Variants in PTPRN2 observed in about 807,000 individuals in gnomAD.
PTPRN2 encodes the protein protein tyrosine phosphatase receptor type N2.
PTPRN2 carries 74 observed loss-of-function variants against 118.8 expected under a neutral mutation model. The observed-to-expected ratio is 0.62, with a 90% confidence interval of 0.52 to 0.76. The LOEUF (loss-of-function observed/expected upper bound fraction) is 0.76, where lower values mean the gene tolerates loss of function less well. Among genes scored for constraint, PTPRN2 ranks in the 30% least tolerant of loss-of-function variants. The pLI is 0.00. For missense variants in PTPRN2, 1,481 were observed against 1,394.4 expected (o/e 1.06, Z -0.99); for synonymous variants, 641 against 608.0 (o/e 1.05, Z -0.80).
At chr7:157,716,248 G>A (rs12672820) in intron 12 of PTPRN2, among the ~76,000 whole-genome samples, 85,564 of 121,922 alleles carry the variant, frequency 0.7, 29,601 homozygotes, top group African/African-American at 0.85. Flanking sequence ...CCATGGCCAC[G>A]AAGACTCTGC....
chr7:158,483,172 T>C (rs1211398433), intron 2 of PTPRN2, among the ~76,000 whole-genome samples: 1 of 152,226 alleles, frequency 6.6e-6, no homozygotes, highest in Non-Finnish European at 1.5e-5. Flanking sequence ...CCATGTGACA[T>C]AGAAAACCGG....
At position 158,138,449 on chromosome 7, in the gene PTPRN2, C is replaced by T. The variant is rs1375874241; in HGVS notation, c.977G>A (p.Gly326Asp). 11 of 1,613,142 alleles carry T rather than the reference C, an allele frequency of 6.8e-6. No homozygotes were observed. Among genetic ancestry groups the T allele is most frequent in the Non-Finnish European group, 9.3e-6 (11 of 1,179,928 alleles). Residue 326 changes from glycine (G) to aspartate (D), a missense_variant, in exon 7 of 23, where the codon GGC becomes GAC. By Grantham distance (94) the Gly-to-Asp change is moderately conservative. Coordinates refer to ENST00000389418, the MANE Select transcript of PTPRN2 (RefSeq NM_002847.5). ...CTCAGCCATGCCGTCCAGCTCCAGG[C>T]CACTCAGGCCCCTCACCTCAGCCGG... Reference protein sequence around the residue: ...RQPAEVRGLSGLELDGMAELM... With the variant: ...RQPAEVRGLSDLELDGMAELM...
chr7:158,512,537 C>T (rs758801703), intron 1 of PTPRN2, among the ~76,000 whole-genome samples: 2 of 152,154 alleles, frequency 1.3e-5, no homozygotes, highest in African/African-American at 2.4e-5. Context: ...CACCCACATG[C>T]ACACACTCAC....
intron 6 of PTPRN2, among the ~76,000 whole-genome samples, chr7:158,148,975 C>A (rs1820542885): frequency 4.4e-5 from 2 of 45,924 alleles, no homozygotes; most frequent in Non-Finnish European, 1.1e-4. Context: ...TCAATGACAC[C>A]CCATCTCACG....
intron 6 of PTPRN2, among the ~76,000 whole-genome samples, chr7:158,145,583 G>A (rs188247710): frequency 3.8e-4 from 58 of 152,338 alleles, no homozygotes; most frequent in South Asian, 8.3e-4. Context: ...CATCAGGCAC[G>A]GCGGGAAAGC....
chr7:158,536,691 G>A (rs745518593), intron 1 of PTPRN2, among the ~76,000 whole-genome samples: 1 of 150,938 alleles, frequency 6.6e-6, no homozygotes, highest in Admixed American at 6.6e-5. Flanking sequence ...AAGACACAAG[G>A]GCCTTCCCAG....
In PTPRN2 at chr7:157,886,459, G is replaced by A. The variant is rs141955837; in HGVS notation, c.1788+12214C>T. Among the ~76,000 whole-genome samples, 30 of 152,234 alleles carry A rather than the reference G, an allele frequency of 2.0e-4. No individual in the cohort carries two copies. The East Asian group carries it at 5.8e-3, about 29-fold the overall frequency. On this transcript the variant is annotated intron_variant, in intron 12 of 22. Coordinates refer to ENST00000389418, the MANE Select transcript of PTPRN2 (RefSeq NM_002847.5). ...TTATGTGACTATTTACTCTGATATT[G>A]AATAAAAATTGAATGTGTTGCTATA...
intron 12 of PTPRN2, among the ~76,000 whole-genome samples, chr7:157,710,687 C>T (rs912396235): frequency 1.2e-4 from 18 of 152,210 alleles, no homozygotes; most frequent in Non-Finnish European, 2.2e-4. Flanking sequence ...GCCATCTGTA[C>T]GCCCACCATG....
intron 3 of PTPRN2, among the ~76,000 whole-genome samples, chr7:158,279,996 G>T (rs1288369450): frequency 1.4e-5 from 2 of 147,694 alleles, no homozygotes; most frequent in African/African-American, 5.0e-5. Context: ...CGGCCCCCAC[G>T]CCCCACCGCT....
intron 2 of PTPRN2, among the ~76,000 whole-genome samples, chr7:158,365,863 G>A (rs1367016948): frequency 2.5e-3 from 82 of 33,336 alleles, no homozygotes; most frequent in Non-Finnish European, 3.7e-3. Flanking sequence ...CACACACACA[G>A]CATCCCTGGG....
intron 1 of PTPRN2, among the ~76,000 whole-genome samples, chr7:158,577,703 A>T (rs1429781476): frequency 6.6e-6 from 1 of 152,270 alleles, no homozygotes; most frequent in African/African-American, 2.4e-5. Context: ...CAGATAAAGG[A>T]TAGGATGTGA....
chr7:158,005,072 A>G (rs897076749), intron 11 of PTPRN2, among the ~76,000 whole-genome samples: 6 of 126,782 alleles, frequency 4.7e-5, no homozygotes, highest in African/African-American at 1.6e-4. Flanking sequence ...CTGTGTGGCC[A>G]CTATTTTTTT....
At chr7:157,592,864 G>C (rs1585076631) in intron 17 of PTPRN2, among the ~76,000 whole-genome samples, 1 of 143,838 alleles carries the variant, frequency 7.0e-6, no homozygotes, top group African/African-American at 2.6e-5. Context: ...TGAATGGAGG[G>C]TGGATGTGGG....
At chr7:158,362,411 C>T (rs889012108) in intron 2 of PTPRN2, among the ~76,000 whole-genome samples, 1 of 152,014 alleles carries the variant, frequency 6.6e-6, no homozygotes, top group Admixed American at 6.6e-5. Context: ...AAAAATTTGA[C>T]TTTATTTGTA....
At chr7:158,288,627 T>C (rs1484979422) in intron 3 of PTPRN2, among the ~76,000 whole-genome samples, 2 of 152,232 alleles carry the variant, frequency 1.3e-5, no homozygotes, top group African/African-American at 2.4e-5. Context: ...TATCTTTTTG[T>C]TGTAGCTATT....
chr7:157,927,185 C>T (rs1221381243), intron 11 of PTPRN2, among the ~76,000 whole-genome samples: 1 of 111,568 alleles, frequency 9.0e-6, no homozygotes, highest in African/African-American at 4.2e-5. Context: ...GCAGAGGCCT[C>T]GCGTCTTCTG....
In PTPRN2 at chr7:157,987,948, G is replaced by A. The variant is rs1803937140; in HGVS notation, c.1724-89211C>T. Among the ~76,000 whole-genome samples the A allele has an allele frequency of 6.6e-6, 1 of 151,708 alleles. No individual in the cohort carries two copies. Among genetic ancestry groups the A allele is most frequent in the Non-Finnish European group, 1.5e-5 (1 of 67,924 alleles). ...AGAAGGGTCTCCGGACATCACTGAT[G>A]CCCCCAGCTCTCCCCACACCTGCCA... On this transcript the variant is annotated intron_variant, in intron 11 of 22. Transcript: ENST00000389418. The surrounding 1 kb of genome is among the most constrained non-coding windows in gnomAD (Gnocchi z 4.3).
At chr7:158,020,588 A>C (rs1176145202) in intron 11 of PTPRN2, among the ~76,000 whole-genome samples, 1 of 152,138 alleles carries the variant, frequency 6.6e-6, no homozygotes, top group Non-Finnish European at 1.5e-5. Flanking sequence ...GTCAGGACAG[A>C]AGCAGTCAGG....
At chr7:158,122,412 G>GCCC (rs1817247506) in intron 9 of PTPRN2, among the ~76,000 whole-genome samples, 1 of 152,172 alleles carries the variant, frequency 6.6e-6, no homozygotes, top group African/African-American at 2.4e-5. Context: ...CTTCCACGGT[G>GCCC]TCCTCTCAGC....
Sources: gnomAD v4.1 joint callset for allele counts (sites outside exome capture counted in the v4.1 genomes callset) on GRCh38, gnomAD v4.1.1 for gene constraint, Gnocchi (gnomAD v3.1) non-coding constraint, MANE v1.5 for transcripts, NCBI Gene and HGNC (gene_info 2026-07-23, HGNC 2026-07-21) for gene names.